Variants in ZNF681 observed in about 807,000 individuals in gnomAD.
ZNF681 encodes the protein hypothetical protein FLJ31526.
Under a neutral mutation model 56.0 loss-of-function variants are expected in ZNF681, and 37 were observed. The ratio of observed to expected loss-of-function variants is 0.66; its 90% CI spans 0.51 to 0.87. The LOEUF is 0.87. ZNF681 is among the 40% of genes least tolerant of loss of function. The pLI, the probability that ZNF681 is intolerant of heterozygous loss-of-function variation, is 0.00. For synonymous variants in ZNF681, 225 were observed against 248.6 expected (o/e 0.91, Z 0.89); for missense variants, 741 against 744.9 (o/e 0.99, Z 0.06).
At position 23,754,040 on chromosome 19, in the gene ZNF681, C is replaced by T. The variant is rs1278613674; in HGVS notation, c.226+783G>A. Among the ~76,000 whole-genome samples, 8 of 150,430 alleles carry T rather than the reference C, an allele frequency of 5.3e-5. No individual in the cohort carries two copies. The South Asian group carries it at 1.5e-3, about 28-fold the overall frequency. ...TTGAGAAAAAAAAAACAAAGCTGAA[C>T]GACATCATACTTTATAATTTCAAAC... On this transcript the variant is annotated intron_variant, in intron 3 of 3. Transcript: ENST00000402377.
At chr19:23,751,860 TG>T (rs1041672759) in intron 3 of ZNF681, among the ~76,000 whole-genome samples, 41 of 152,184 alleles carry the variant, frequency 2.7e-4, no homozygotes, top group African/African-American at 8.7e-4. Context: ...TAATTTTTTT[TG>T]TATTTTTAGT....
intron 3 of ZNF681, among the ~76,000 whole-genome samples, chr19:23,748,492 A>T (rs6511513): frequency 0.98 from 149,018 of 152,294 alleles, 73,002 homozygotes; most frequent in Middle Eastern, 1. Context: ...AGCAGCTGAC[A>T]GACAACCACC....
At chr19:23,750,299 A>AC (rs535165544) in intron 3 of ZNF681, among the ~76,000 whole-genome samples, 68,174 of 129,112 alleles carry the variant, frequency 0.53, 19,980 homozygotes, top group East Asian at 0.79. Context: ...AAAAAAAAAA[A>AC]AAAACCAAAA....
intron 1 of ZNF681, among the ~76,000 whole-genome samples, 186 bp downstream of exon 1, chr19:23,758,561 G>A (rs1000331581): frequency 2.0e-5 from 3 of 152,222 alleles, no homozygotes; most frequent in African/African-American, 4.8e-5. Flanking sequence ...CAGTCACTGA[G>A]CAGGGAGGAG....
intron 3 of ZNF681, among the ~76,000 whole-genome samples, chr19:23,751,919 C>T (rs1969038124): frequency 6.6e-6 from 1 of 152,154 alleles, no homozygotes; most frequent in African/African-American, 2.4e-5. Flanking sequence ...GATCTCCTGA[C>T]CTCGTGATCC....
chr19:23,739,432 T>C lies in ZNF681; in HGVS notation c.*4180A>G, dbSNP rs1286972087. ...TTTTGTACTGCATGGTGCCTATAGT[T>C]CATAACAATGTATTTGTATTTCTGA... On this transcript the variant is annotated 3_prime_UTR_variant, in exon 4 of 4. Coordinates refer to ENST00000402377, the MANE Select transcript of ZNF681 (RefSeq NM_138286.3). 1.3e-5 allele frequency: 2 copies of C among 152,198 alleles called. No homozygotes were observed. The highest frequency in any genetic ancestry group is 2.9e-5 in the Non-Finnish European group (2 of 68,038). 9.4% of individuals were successfully genotyped at this position (152,198 alleles called of 1,614,324 possible).
intron 3 of ZNF681, among the ~76,000 whole-genome samples, chr19:23,753,471 C>T (rs1037094132): frequency 1.3e-5 from 2 of 152,306 alleles, no homozygotes; most frequent in Non-Finnish European, 2.9e-5. Flanking sequence ...GGTAGAAAAT[C>T]TTTACAATGA....
At chr19:23,757,607 T>A (rs1393564555) in intron 1 of ZNF681, among the ~76,000 whole-genome samples, 1 of 152,154 alleles carries the variant, frequency 6.6e-6, no homozygotes, top group Non-Finnish European at 1.5e-5. Context: ...CTTTATTTTT[T>A]TAATTTATCT....
At position 23,745,143 on chromosome 19, in the gene ZNF681, G is replaced by C; in HGVS notation, c.407C>G (p.Thr136Ser). The C allele has an allele frequency of 6.2e-7, 1 of 1,611,864 alleles. No homozygotes were observed. ...GYNGLNQCLP[T>S]TQSKIFQCDK... ...ACATTGAAATATTTTGCTCTGGGTA[G>C]TTGGCAAACATTGGTTAAGTCCATT... The change falls in exon 4 of 4, where the codon ACT becomes AGT. Residue 136 changes from threonine to serine, a missense_variant. Transcript: ENST00000402377.
chr19:23,752,333 C>G (rs1362106656), intron 3 of ZNF681, among the ~76,000 whole-genome samples: 1 of 152,218 alleles, frequency 6.6e-6, no homozygotes, highest in Non-Finnish European at 1.5e-5. Context: ...AGCCATGCAG[C>G]AGGCCTGCAG....
Position 23,739,438 on chromosome 19 carries a change from C to T in ZNF681, c.*4174G>A, listed in dbSNP as rs1968851928. On this transcript the variant is annotated 3_prime_UTR_variant, in exon 4 of 4. Transcript: ENST00000402377. The stretch of plus-strand genomic sequence containing the variant: ...ACTGCATGGTGCCTATAGTTCATAA[C>T]AATGTATTTGTATTTCTGAAAAATG... The T allele has an allele frequency of 6.6e-6, 1 of 152,060 alleles. No individual in the cohort carries two copies. Among genetic ancestry groups the T allele is most frequent in the African/African-American group, 2.4e-5 (1 of 41,404 alleles). The allele number at this position is 152,060 out of a possible 1,614,324, so 9.4% of individuals were successfully genotyped here.
intron 3 of ZNF681, among the ~76,000 whole-genome samples, chr19:23,746,474 A>G (rs1228173731): frequency 1.3e-5 from 2 of 152,220 alleles, no homozygotes; most frequent in Admixed American, 6.5e-5. Context: ...CTATGTGAAC[A>G]TATCACATGG....
intron 1 of ZNF681, among the ~76,000 whole-genome samples, chr19:23,756,953 C>T (rs1207274818): frequency 6.6e-6 from 1 of 152,036 alleles, no homozygotes; most frequent in Non-Finnish European, 1.5e-5. Flanking sequence ...TCACTGCAAC[C>T]TCTGTCTCGT....
intron 1 of ZNF681, 47 bp from the exon 2 acceptor site, chr19:23,755,598 CAT>C (rs35666566): frequency 0.25 from 143,408 of 578,512 alleles, 6,911 homozygotes; most frequent in Non-Finnish European, 0.26. Context: ...CACACACACA[CAT>C]ACACATTTAG....
Position 23,743,712 on chromosome 19 carries a change from G to C in ZNF681, c.1838C>G (p.Thr613Ser), listed in dbSNP as rs776757398. The change falls in exon 4 of 4, where the codon ACT (threonine) becomes AGT (serine). Residue 613 changes from threonine (T) to serine (S), a missense_variant. Coordinates refer to ENST00000402377, the MANE Select transcript of ZNF681 (RefSeq NM_138286.3). ...TTTAGGTTTGTAGAGTTTCTCACCAGTATGAATTTTCTTATGTCCAGTAAG... is the reference window on the plus strand; with the variant it reads ...TTTAGGTTTGTAGAGTTTCTCACCACTATGAATTTTCTTATGTCCAGTAAG... Reference protein sequence around the residue: ...SNLTGHKKIHTGEKLYKPKRC... With the variant: ...SNLTGHKKIHSGEKLYKPKRC... 11 of 1,611,956 alleles carry C rather than the reference G, an allele frequency of 6.8e-6. No homozygotes were observed. In the East Asian group the frequency reaches 1.3e-4, roughly 20 times the overall value.
At chr19:23,749,989 G>GAA (rs1009941373) in intron 3 of ZNF681, among the ~76,000 whole-genome samples, 3 of 137,614 alleles carry the variant, frequency 2.2e-5, no homozygotes. Context: ...AATCAACTAA[G>GAA]AAAAAAAAAA....
In ZNF681 at chr19:23,743,387, ATC is replaced by A. The variant is rs1968893866; in HGVS notation, c.*223_*224del. The A allele has an allele frequency of 2.8e-6, 1 of 360,200 alleles. No homozygotes were observed. Among genetic ancestry groups the A allele is most frequent in the East Asian group, 4.6e-5 (1 of 21,748 alleles). The allele number at this position is 360,200 out of a possible 1,614,324, so 22.3% of individuals were successfully genotyped here. A position where few individuals can be genotyped will look rare whatever the true frequency, so the allele number is the denominator to read the frequency against. On this transcript the variant is annotated 3_prime_UTR_variant, in exon 4 of 4. Transcript: ENST00000402377. ...GTATAATGCTTTTATTAAGTATGAA[ATC>A]TCTGATGTTGAGTAAGATGTGAACA...
rs779617160 is a variant in ZNF681, at chr19:23,745,272, T to C, written c.278A>G (p.Asp93Gly). Residue 93 changes from aspartate (D) to glycine (G), a missense_variant, in exon 4 of 4, where the codon GAT becomes GGT. Physicochemically the swap from Asp to Gly is moderately conservative, Grantham distance 94. Coordinates refer to ENST00000402377, the MANE Select transcript of ZNF681 (RefSeq NM_138286.3). ...TCTTGGTGTCACTTTTTGGAAAGAA[T>C]CTTTTATGTTCTGCTCTGGTGAAAA... is the stretch of plus-strand genomic sequence containing the variant. ...QDFSPEQNIKDSFQKVTPRRY... is the reference protein window; with the variant it reads ...QDFSPEQNIKGSFQKVTPRRY... 2 of 1,599,100 alleles carry C rather than the reference T, an allele frequency of 1.3e-6. No individual in the cohort carries two copies. The highest frequency in any genetic ancestry group is 2.3e-5 in the South Asian group (2 of 87,608).
chr19:23,757,648 G>T (rs1234886629), intron 1 of ZNF681, among the ~76,000 whole-genome samples: 2 of 151,936 alleles, frequency 1.3e-5, no homozygotes, highest in African/African-American at 4.8e-5. Flanking sequence ...GTAAGCACCA[G>T]CCCTAGCAGC....
Sources: gnomAD v4.1 joint callset for allele counts (sites outside exome capture counted in the v4.1 genomes callset) on GRCh38, gnomAD v4.1.1 for gene constraint, MANE v1.5 for transcripts, NCBI Gene and HGNC (gene_info 2026-07-23, HGNC 2026-07-21) for gene names.